UBE2V1: variants seen among roughly 807,000 people sequenced by gnomAD.
UBE2V1 encodes the protein ubiquitin conjugating enzyme E2 V1.
Under a neutral mutation model 19.6 loss-of-function variants are expected in UBE2V1, and 15 were observed. The observed-to-expected ratio is 0.77, with a 90% CI of 0.51 to 1.18. UBE2V1 has a LOEUF of 1.18. Ranked by LOEUF, UBE2V1 falls within the 50% of genes most tolerant of loss-of-function variation. The pLI is 0.00. For missense variants in UBE2V1, 125 were observed against 184.8 expected, an observed-to-expected ratio of 0.68 and a Z score of 1.88; for synonymous variants, 60 against 60.7, an observed-to-expected ratio of 0.99 and a Z score of 0.05.
intron 1 of UBE2V1, 39 bp downstream of exon 1, chr20:50,113,061 CAAGCCCA>C: frequency 1.1e-6 from 1 of 910,092 alleles, no homozygotes. Flanking sequence ...GCCCCCGGCC[CAAGCCCA>C]TGCCCCCTCG....
intron 1 of UBE2V1, among the ~76,000 whole-genome samples, chr20:50,103,764 G>C (rs1423764962): frequency 6.6e-6 from 1 of 152,000 alleles, no homozygotes; most frequent in African/African-American, 2.4e-5. Flanking sequence ...GTCAGGAGAG[G>C]CCCTCTCAGA....
chr20:50,111,588 T>G (rs2080756025), intron 1 of UBE2V1: 1 of 1,000,058 alleles, frequency 1.0e-6, no homozygotes, highest in African/African-American at 1.7e-5. Flanking sequence ...AGTAAAAGGA[T>G]TCATGGTCTC....
intron 1 of UBE2V1, chr20:50,108,913 T>C (rs2080563955): frequency 4.1e-6 from 4 of 984,902 alleles, no homozygotes; most frequent in Admixed American, 1.2e-4. Context: ...ACTAAAGCCC[T>C]TTCTCTCTCC....
chr20:50,106,888 CAA>C (rs1325671411), intron 1 of UBE2V1, among the ~76,000 whole-genome samples: 1 of 136,336 alleles, frequency 7.3e-6, no homozygotes, highest in Admixed American at 7.2e-5. Context: ...AAAAAAAAAA[CAA>C]AAAAAAGGTA....
At chr20:50,087,485 G>A (rs552540641) in intron 2 of UBE2V1, among the ~76,000 whole-genome samples, 1 of 152,050 alleles carries the variant, frequency 6.6e-6, no homozygotes, top group South Asian at 2.1e-4. Flanking sequence ...GAGTGCTCCA[G>A]GGACCTGCTA....
Position 50,113,116 on chromosome 20 carries a change from T to C in UBE2V1, c.13A>G (p.Thr5Ala). Residue 5 changes from threonine to alanine, a missense_variant, in exon 1 of 4, where the codon ACG becomes GCG. By Grantham distance (58) the Thr-to-Ala change is moderately conservative (BLOSUM62 0). This residue lies in a region of UBE2V1 where 28 missense variants were observed against 22.5 expected (regional missense o/e 1.25). Transcript: ENST00000371674. ...CGGCGCCCCCGCTCACCCGAGCCCG[T>C]GGTGGCTGCCATCTTGCGTCGCTCT... MAATTGSGVKVPRNF... is the reference protein window; with the variant it reads MAATAGSGVKVPRNF... 7.4e-7 allele frequency: 1 copy of C among 1,343,502 alleles called. No homozygotes were observed. Among genetic ancestry groups the C allele is most frequent in the Non-Finnish European group, 9.8e-7 (1 of 1,025,630 alleles). The allele number at this position is 1,343,502 out of a possible 1,614,324, so 83.2% of individuals were successfully genotyped here.
chr20:50,091,410 C>CTTT (rs11482128), intron 2 of UBE2V1, among the ~76,000 whole-genome samples: 2,652 of 112,242 alleles, frequency 0.024, 232 homozygotes, highest in African/African-American at 0.088. Context: ...TAACTTAAGG[C>CTTT]TTTTTTTTTT....
At chr20:50,111,326 C>A (rs889742332) in intron 1 of UBE2V1, 1 of 994,348 alleles carries the variant, frequency 1.0e-6, no homozygotes, top group African/African-American at 1.7e-5. Flanking sequence ...TAGAACCGGG[C>A]AGCTGTTAAC....
chr20:50,086,186 G>A (rs1191007738), intron 2 of UBE2V1, among the ~76,000 whole-genome samples: 2 of 152,028 alleles, frequency 1.3e-5, no homozygotes, highest in Non-Finnish European at 2.9e-5. Context: ...TCCCTCCCCT[G>A]CCCACCATTC....
intron 1 of UBE2V1, among the ~76,000 whole-genome samples, chr20:50,097,323 A>G (rs529682712): frequency 6.6e-6 from 1 of 152,382 alleles, no homozygotes; most frequent in African/African-American, 2.4e-5. Context: ...GAAGGCACCA[A>G]GGATAAAATA....
upstream of UBE2V1, chr20:50,115,403 A>C: frequency 7.2e-7 from 1 of 1,391,302 alleles, no homozygotes; most frequent in Non-Finnish European, 9.5e-7. Context: ...TGGGGAGCAC[A>C]GAAAATACTT....
At chr20:50,107,997 A>G (rs899841135) in intron 1 of UBE2V1, among the ~76,000 whole-genome samples, 2 of 152,224 alleles carry the variant, frequency 1.3e-5, no homozygotes, top group African/African-American at 4.8e-5. Context: ...CTGGGGACAG[A>G]GCAAGATCAG....
upstream of UBE2V1, chr20:50,113,214 C>T (rs890946243): frequency 4.4e-6 from 5 of 1,128,572 alleles, no homozygotes; most frequent in Admixed American, 1.7e-4. Context: ...CGCGCGCGCA[C>T]GCACATACGC....
Position 50,082,914 on chromosome 20 carries a change from C to T in UBE2V1, c.298G>A (p.Val100Met). 6.2e-7 allele frequency: 1 copy of T among 1,604,684 alleles called. No homozygotes were observed. Among genetic ancestry groups the T allele is most frequent in the African/African-American group, 1.3e-5 (1 of 74,886 alleles). ...MNGVNSSNGV[V>M]DPRAISVLAK... is the part of the protein sequence containing the mutation. ...AGCACTGATATGGCTCTTGGGTCCA[C>T]CTACAACAAGGCAAACAAAAGCAAA... is the stretch of plus-strand genomic sequence containing the variant. Residue 100 changes from valine to methionine, a missense_variant and splice_region_variant, in exon 4 of 4, where the codon GTG becomes ATG. Physicochemically the swap from Val to Met is conservative, Grantham distance 21 (BLOSUM62 1). Around this residue, in one of 3 missense-constraint regions of UBE2V1, gnomAD observed 78 missense variants for 108.8 expected, o/e 0.72. Transcript: ENST00000371674.
chr20:50,090,473 CAAAA>C (rs34134046), intron 2 of UBE2V1, among the ~76,000 whole-genome samples: 5 of 96,730 alleles, frequency 5.2e-5, no homozygotes, highest in Non-Finnish European at 4.5e-5. Context: ...GACTCTGTCT[CAAAA>C]AAAAAAAAAA....
chr20:50,089,496 CTT>C (rs1485658635), intron 2 of UBE2V1, among the ~76,000 whole-genome samples: 1 of 152,334 alleles, frequency 6.6e-6, no homozygotes, highest in South Asian at 2.1e-4. Context: ...CAGGCTCTCT[CTT>C]GTGTCCCTGA....
At chr20:50,087,288 C>CG (rs1472830005) in intron 2 of UBE2V1, among the ~76,000 whole-genome samples, 2 of 148,666 alleles carry the variant, frequency 1.3e-5, no homozygotes, top group South Asian at 2.2e-4. Context: ...CCCAGCTAAC[C>CG]GGGGGGCTGA....
intron 2 of UBE2V1, 113 bp from the exon 3 acceptor site, chr20:50,084,367 G>A (rs1223466191): frequency 1.3e-6 from 2 of 1,583,902 alleles, no homozygotes; most frequent in African/African-American, 2.7e-5. Context: ...TCTGCTTCCA[G>A]CATGGAGTCT....
At chr20:50,102,731 C>T (rs944512276) in intron 1 of UBE2V1, among the ~76,000 whole-genome samples, 1 of 152,188 alleles carries the variant, frequency 6.6e-6, no homozygotes, top group African/African-American at 2.4e-5. Context: ...CCTCGCTCTC[C>T]TACCAGAAGC....
Sources: allele counts gnomAD v4.1 joint callset (sites outside exome capture counted in the v4.1 genomes callset), GRCh38; gene constraint gnomAD v4.1.1; regional missense constraint gnomAD v4.1.1; transcripts MANE v1.5; gene names NCBI Gene and HGNC (gene_info 2026-07-23, HGNC 2026-07-21).